CEP55: variants seen among roughly 807,000 people sequenced by gnomAD.
The protein encoded by CEP55 is centrosomal protein 55.
In CEP55, 57 loss-of-function variants were observed where a neutral mutation model predicts 63.2. That is an observed-to-expected ratio of 0.90 (90% CI 0.73 to 1.13). The LOEUF (loss-of-function observed/expected upper bound fraction) is 1.13. CEP55 is among the 50% of genes most tolerant of loss of function. CEP55 has a pLI of 0.00. For missense variants in CEP55, 456 were observed against 518.9 expected, an observed-to-expected ratio of 0.88 and a Z score of 1.18; for synonymous variants, 178 against 191.6, an observed-to-expected ratio of 0.93 and a Z score of 0.59.
chr10:93,502,017 T>A (rs1287214948), intron 2 of CEP55, among the ~76,000 whole-genome samples: 1 of 152,208 alleles, frequency 6.6e-6, no homozygotes, highest in Non-Finnish European at 1.5e-5. Context: ...ACAGAACAAG[T>A]CTTATTTTTC....
chr10:93,503,866 CT>C (rs1238176742), intron 3 of CEP55, among the ~76,000 whole-genome samples: 1 of 152,084 alleles, frequency 6.6e-6, no homozygotes, highest in Non-Finnish European at 1.5e-5. Context: ...GAGTTCAGAT[CT>C]TGGTTTTGTA....
chr10:93,521,852 T>A (rs963052271), intron 8 of CEP55, among the ~76,000 whole-genome samples: 1 of 152,168 alleles, frequency 6.6e-6, no homozygotes, highest in Admixed American at 6.5e-5. Context: ...AGTGGACCTC[T>A]GGCAAACTCC....
Position 93,518,879 on chromosome 10 carries a change from C to G in CEP55, c.996C>G (p.Val332=). ...KKRSEELLSQ[V]QFLYTSLLKQ... ...TTGGTTCTCTTTATGTCCTACAGGT[C>G]CAGTTTCTTTACACATCTCTGCTAA... The change falls in exon 7 of 9, where the codon GTC becomes GTG. Residue 332 remains valine (V), a splice_region_variant and synonymous_variant. Transcript: ENST00000371485. The G allele has an allele frequency of 6.2e-7, 1 of 1,605,512 alleles. No homozygotes were observed. The highest frequency in any genetic ancestry group is 8.5e-7 in the Non-Finnish European group (1 of 1,173,672).
intron 8 of CEP55, among the ~76,000 whole-genome samples, chr10:93,520,807 CTT>C (rs1589657890): frequency 6.6e-6 from 1 of 152,140 alleles, no homozygotes; most frequent in East Asian, 1.9e-4. Flanking sequence ...TCACTTGTAA[CTT>C]CTGTATGAAT....
intron 4 of CEP55, among the ~76,000 whole-genome samples, chr10:93,509,054 G>A (rs1428355370): frequency 1.3e-5 from 2 of 152,156 alleles, no homozygotes; most frequent in African/African-American, 2.4e-5. Context: ...TTTTACTGGT[G>A]TCTCTTCTAG....
In CEP55 at chr10:93,518,940, G is replaced by C; in HGVS notation, c.1057G>C (p.Glu353Gln). 2 of 1,611,956 alleles carry C rather than the reference G, an allele frequency of 1.2e-6. No homozygotes were observed. The highest frequency in any genetic ancestry group is 1.7e-6 in the Non-Finnish European group (2 of 1,178,082). Reference protein sequence around the residue: ...QEEQTRVALLEQQMQACTLDF... With the variant: ...QEEQTRVALLQQQMQACTLDF... ...AGAACAAACAAGGGTAGCTCTGTTG[G>C]AACAACAGGTACTCATTCGGGTTGC... The change falls in exon 7 of 9, where the codon GAA (glutamate) becomes CAA (glutamine). Residue 353 changes from glutamate to glutamine, a missense_variant. Glu to Gln is a conservative substitution (Grantham distance 29). Transcript: ENST00000371485.
intron 8 of CEP55, among the ~76,000 whole-genome samples, chr10:93,523,585 G>A (rs544440347): frequency 5.5e-4 from 83 of 152,130 alleles, no homozygotes; most frequent in Non-Finnish European, 9.0e-4. Context: ...TGCACCAAGC[G>A]GACCTAATAG....
intron 8 of CEP55, among the ~76,000 whole-genome samples, chr10:93,527,381 T>G (rs892240951): frequency 6.6e-6 from 1 of 152,186 alleles, no homozygotes; most frequent in Non-Finnish European, 1.5e-5. Context: ...AATATTCGAC[T>G]CTGTGTCCTA....
At chr10:93,518,581 A>G (rs1296169200) in intron 6 of CEP55, among the ~76,000 whole-genome samples, 2 of 152,152 alleles carry the variant, frequency 1.3e-5, no homozygotes, top group African/African-American at 2.4e-5. Flanking sequence ...CACCCATGTT[A>G]TCCTACTCAG....
At position 93,518,885 on chromosome 10, in the gene CEP55, TC is replaced by T. The variant is rs1564767646; in HGVS notation, c.1003del (p.Leu335PhefsTer6). 1.2e-6 allele frequency: 2 copies of T among 1,608,570 alleles called. No homozygotes were observed. The highest frequency in any genetic ancestry group is 2.2e-5 in the South Asian group (2 of 90,582). ...SEELLSQVQF[L>X]YTSLLKQQEE... Reference sequence around the variant, plus strand: ...CTCTTTATGTCCTACAGGTCCAGTTTCTTTACACATCTCTGCTAAAGCAGCA... The same window carrying T: ...CTCTTTATGTCCTACAGGTCCAGTTTTTTACACATCTCTGCTAAAGCAGCA... On this transcript the variant is annotated frameshift_variant, in exon 7 of 9. Coordinates refer to ENST00000371485, the MANE Select transcript of CEP55 (RefSeq NM_018131.5). LOFTEE classifies it high-confidence loss of function.
At chr10:93,513,509 G>T (rs1255240514) in intron 4 of CEP55, among the ~76,000 whole-genome samples, 4 of 152,166 alleles carry the variant, frequency 2.6e-5, no homozygotes. Flanking sequence ...AGCTCCTTAT[G>T]TCCTCTTCAT....
chr10:93,500,016 T>C (rs1345369504), intron 1 of CEP55, 24 bp from the exon 2 acceptor site: 1 of 1,484,056 alleles, frequency 6.7e-7, no homozygotes, highest in Non-Finnish European at 9.2e-7. Context: ...CTCAGAATTA[T>C]ACAGTTGATT....
chr10:93,526,661 A>G (rs1243413221), intron 8 of CEP55, among the ~76,000 whole-genome samples: 1 of 152,128 alleles, frequency 6.6e-6, no homozygotes, highest in African/African-American at 2.4e-5. Context: ...ACTATTCACA[A>G]TAGCAAAGAC....
intron 8 of CEP55, chr10:93,520,182 C>T (rs2057844511): frequency 4.5e-6 from 1 of 219,870 alleles, no homozygotes. Flanking sequence ...AATCCCAGCG[C>T]TTTGGGAGGC....
intron 8 of CEP55, among the ~76,000 whole-genome samples, chr10:93,524,392 G>C (rs1011026163): frequency 1.1e-4 from 17 of 152,102 alleles, no homozygotes; most frequent in Non-Finnish European, 2.4e-4. Flanking sequence ...AAACCAGGAA[G>C]AAGTTGAATC....
At chr10:93,520,565 T>C (rs2057850419) in intron 8 of CEP55, among the ~76,000 whole-genome samples, 1 of 152,220 alleles carries the variant, frequency 6.6e-6, no homozygotes, top group Non-Finnish European at 1.5e-5. Context: ...ATGAACCTTT[T>C]AAATAATATT....
At chr10:93,509,121 C>G (rs2057717092) in intron 4 of CEP55, among the ~76,000 whole-genome samples, 1 of 152,170 alleles carries the variant, frequency 6.6e-6, no homozygotes, top group Non-Finnish European at 1.5e-5. Context: ...TTTTAGGCAT[C>G]TCAGTGCTAA....
intron 3 of CEP55, among the ~76,000 whole-genome samples, chr10:93,506,783 A>G (rs1350632720): frequency 2.0e-5 from 3 of 152,214 alleles, no homozygotes; most frequent in African/African-American, 7.2e-5. Context: ...CATGTTGGCC[A>G]GGCTGGTCTC....
In CEP55 at chr10:93,503,098, T is replaced by G. The variant is rs1203662330; in HGVS notation, c.184-15T>G. 6 of 1,603,960 alleles carry G rather than the reference T, an allele frequency of 3.7e-6. No homozygotes were observed. Among genetic ancestry groups the G allele is most frequent in the Non-Finnish European group, 5.1e-6 (6 of 1,175,822 alleles). On this transcript the variant is annotated splice_polypyrimidine_tract_variant and intron_variant, in intron 2 of 8. Coordinates refer to ENST00000371485, the MANE Select transcript of CEP55 (RefSeq NM_018131.5). ...ACCTGGCTTTGTTCTAAGATTCTTCTTAGTTTATGTCTAGAAAATTCGAGT... is the reference window on the plus strand; with the variant it reads ...ACCTGGCTTTGTTCTAAGATTCTTCGTAGTTTATGTCTAGAAAATTCGAGT...
Sources: gnomAD v4.1 joint callset for allele counts (sites outside exome capture counted in the v4.1 genomes callset) on GRCh38, gnomAD v4.1.1 for gene constraint, MANE v1.5 for transcripts, NCBI Gene and HGNC (gene_info 2026-07-23, HGNC 2026-07-21) for gene names.